Variants in TRAPPC9 observed in about 807,000 individuals in gnomAD.
TRAPPC9 encodes trafficking protein particle complex subunit 9, also known as IKK2 binding protein.
A neutral mutation model predicts 124.0 loss-of-function variants in TRAPPC9; 83 were observed. The observed-to-expected ratio is 0.67, with a 90% confidence interval of 0.56 to 0.80. The LOEUF is 0.80. Ranked by LOEUF, TRAPPC9 falls within the 30% of genes least tolerant of loss-of-function variation. TRAPPC9 has a pLI of 0.00. For missense variants in TRAPPC9, 1,302 were observed against 1,508.3 expected (o/e 0.86, Z 2.27); for synonymous variants, 638 against 617.5 (o/e 1.03, Z -0.49).
At chr8:139,879,220 G>A (rs969385683) in intron 21 of TRAPPC9, among the ~76,000 whole-genome samples, 22 of 152,200 alleles carry the variant, frequency 1.4e-4, no homozygotes, top group African/African-American at 4.6e-4. Flanking sequence ...GGTCATGGGG[G>A]GTGGGGCGCA....
At chr8:139,983,219 C>A (rs1375676204) in intron 19 of TRAPPC9, among the ~76,000 whole-genome samples, 1 of 152,180 alleles carries the variant, frequency 6.6e-6, no homozygotes, top group Non-Finnish European at 1.5e-5. Flanking sequence ...CCCACAGAAT[C>A]TGCCCAGCGT....
At chr8:140,396,684 T>A (rs1266894043) in intron 7 of TRAPPC9, among the ~76,000 whole-genome samples, 1 of 152,084 alleles carries the variant, frequency 6.6e-6, no homozygotes, top group Non-Finnish European at 1.5e-5. Flanking sequence ...ATTTTCTTCC[T>A]GAATGACCTT....
intron 15 of TRAPPC9, among the ~76,000 whole-genome samples, chr8:140,272,405 ATAATGG>A (rs1275388301): frequency 3.0e-5 from 4 of 134,188 alleles, no homozygotes; most frequent in Non-Finnish European, 6.6e-5. Flanking sequence ...GGCGATGGTG[ATAATGG>A]TGATGGTGAT....
intron 15 of TRAPPC9, among the ~76,000 whole-genome samples, chr8:140,269,402 G>A (rs928982946): frequency 1.3e-5 from 2 of 151,976 alleles, no homozygotes; most frequent in Non-Finnish European, 2.9e-5. Flanking sequence ...TTAGCTGGGC[G>A]TGGTGGCAGG....
At chr8:140,199,389 G>A (rs995773810) in intron 17 of TRAPPC9, among the ~76,000 whole-genome samples, 4 of 152,242 alleles carry the variant, frequency 2.6e-5, no homozygotes, top group African/African-American at 9.6e-5. Flanking sequence ...CAGGGATCCT[G>A]TGAAATGCAT....
At chr8:140,118,074 T>C (rs1054224754) in intron 17 of TRAPPC9, among the ~76,000 whole-genome samples, 1 of 152,222 alleles carries the variant, frequency 6.6e-6, no homozygotes, top group African/African-American at 2.4e-5. Context: ...CATTTACACC[T>C]CATAAACTCT....
chr8:140,100,619 T>G (rs1480807121), intron 17 of TRAPPC9: 2 of 152,728 alleles, frequency 1.3e-5, no homozygotes, highest in Admixed American at 1.3e-4. Context: ...TGGGCACCAT[T>G]GGGGCCTCCT....
chr8:140,129,267 G>A (rs2061158335), intron 17 of TRAPPC9, among the ~76,000 whole-genome samples: 1 of 152,126 alleles, frequency 6.6e-6, no homozygotes. Flanking sequence ...TGGCTCGGGT[G>A]TGTCTGGCCC....
At chr8:140,308,869 A>G (rs1169896220) in intron 10 of TRAPPC9, among the ~76,000 whole-genome samples, 1 of 151,668 alleles carries the variant, frequency 6.6e-6, no homozygotes, top group Non-Finnish European at 1.5e-5. Context: ...CAACAGAGTG[A>G]GATTACAACT....
intron 17 of TRAPPC9, among the ~76,000 whole-genome samples, chr8:140,181,304 A>G (rs1360336373): frequency 6.6e-6 from 1 of 152,218 alleles, no homozygotes; most frequent in Non-Finnish European, 1.5e-5. Context: ...TCTGTCACCC[A>G]GGATGGACTG....
intron 13 of TRAPPC9, among the ~76,000 whole-genome samples, chr8:140,284,762 C>T (rs545824178): frequency 7.7e-4 from 117 of 152,318 alleles, no homozygotes; most frequent in Non-Finnish European, 1.3e-3. Flanking sequence ...GGCAGGCACT[C>T]CCTCGTGGGC....
In TRAPPC9 at chr8:140,156,992, AAAGCCTCCCTTTTCCATTCAG is replaced by A. The variant is rs1563804087; in HGVS notation, c.2556+64446_2556+64466del. Among the ~76,000 whole-genome samples, 311 of 79,116 alleles carry A rather than the reference AAAGCCTCCCTTTTCCATTCAG, an allele frequency of 3.9e-3. 34 individuals are homozygous for A. The highest frequency in any genetic ancestry group is 0.011 in the Middle Eastern group (2 of 182). The allele number at this position is 79,116 out of a possible 152,430, so 51.9% of individuals were successfully genotyped here. A position where few individuals can be genotyped will look rare whatever the true frequency, so the allele number is the denominator to read the frequency against. On this transcript the variant is annotated intron_variant, in intron 17 of 22. Coordinates refer to ENST00000438773, the MANE Select transcript of TRAPPC9 (RefSeq NM_001160372.4). Reference sequence around the variant, plus strand: ...ATTCAAAAGCCTCCCTTTCCATTCAAAAGCCTCCCTTTTCCATTCAGAAGCCTCCCTTTTCCATTCAAAAGC... The same window carrying A: ...ATTCAAAAGCCTCCCTTTCCATTCAAAAGCCTCCCTTTTCCATTCAAAAGC...
chr8:139,846,031 T>C (rs1317548745), intron 21 of TRAPPC9, among the ~76,000 whole-genome samples: 4 of 152,074 alleles, frequency 2.6e-5, no homozygotes, highest in Admixed American at 6.5e-5. Flanking sequence ...AAGGGAAACA[T>C]GGAGGAAGAG....
intron 17 of TRAPPC9, among the ~76,000 whole-genome samples, chr8:140,052,454 T>C (rs1003033721): frequency 3.0e-4 from 46 of 152,208 alleles, no homozygotes; most frequent in African/African-American, 9.9e-4. Context: ...CTGGGCAATA[T>C]GGCAAGAACC....
At chr8:139,759,698 G>T (rs921171205) in intron 21 of TRAPPC9, among the ~76,000 whole-genome samples, 1 of 152,150 alleles carries the variant, frequency 6.6e-6, no homozygotes, top group Non-Finnish European at 1.5e-5. Context: ...CTGCAGACAC[G>T]GGGGCCGGGC....
chr8:140,221,533 C>T lies in TRAPPC9; in HGVS notation c.2482G>A (p.Val828Ile), dbSNP rs777589415. ...GGTTTGCCCTCCACTCGGGGCCGAA[C>T]GACCTGCCGAAAAGGACTGGACAGG... is the stretch of plus-strand genomic sequence containing the variant. ...FPLSSPFRQVVRPRVEGKPVN... is the reference protein window; with the variant it reads ...FPLSSPFRQVIRPRVEGKPVN... The change falls in exon 17 of 23, where the codon GTT becomes ATT. Residue 828 changes from valine to isoleucine, a missense_variant. By Grantham distance (29) the Val-to-Ile change is conservative. This residue lies in a region of TRAPPC9 where 640 missense variants were observed against 679.3 expected (regional missense o/e 0.94). Coordinates refer to ENST00000438773, the MANE Select transcript of TRAPPC9 (RefSeq NM_001160372.4). 7.4e-6 allele frequency: 12 copies of T among 1,614,016 alleles called. No homozygotes were observed. The East Asian group carries it at 8.9e-5, about 12-fold the overall frequency.
rs1409615854 is a variant in TRAPPC9, at chr8:140,451,138, C to A, written c.236G>T (p.Gly79Val). 1 of 1,613,956 alleles carries A rather than the reference C, an allele frequency of 6.2e-7. No individual in the cohort carries two copies. Among genetic ancestry groups the A allele is most frequent in the Non-Finnish European group, 8.5e-7 (1 of 1,179,962 alleles). The part of the protein sequence containing the change: ...GDFQTHRKVV[G>V]LITITDCFSA... Reference sequence around the variant, plus strand: ...GAAGCAGTCTGTGATGGTGATGAGGCCCACGACTTTGCGGTGGGTCTGGAA... The same window carrying A: ...GAAGCAGTCTGTGATGGTGATGAGGACCACGACTTTGCGGTGGGTCTGGAA... The change falls in exon 2 of 23, where the codon GGC (glycine) becomes GTC (valine). Residue 79 changes from glycine to valine, a missense_variant. Transcript: ENST00000438773.
chr8:140,187,752 G>A lies in TRAPPC9; in HGVS notation c.2556+33707C>T, dbSNP rs564641507. Among the ~76,000 whole-genome samples the A allele has an allele frequency of 2.0e-5, 3 of 152,176 alleles. No individual in the cohort carries two copies. In the East Asian group the frequency reaches 5.8e-4, roughly 29 times the overall value. On this transcript the variant is annotated intron_variant, in intron 17 of 22. Transcript: ENST00000438773. ...TACAGTGGCTCGATCACAGCTCACT[G>A]CAGCCTCGACCTCCTGGGCTCAAGT... is the stretch of plus-strand genomic sequence containing the variant.
chr8:140,341,881 G>A (rs1235887085), intron 9 of TRAPPC9, among the ~76,000 whole-genome samples: 4 of 152,226 alleles, frequency 2.6e-5, no homozygotes, highest in African/African-American at 7.2e-5. Flanking sequence ...CCAAGCTAAG[G>A]AGGCGGCCTG....
Sources: allele counts gnomAD v4.1 joint callset (sites outside exome capture counted in the v4.1 genomes callset), GRCh38; gene constraint gnomAD v4.1.1; regional missense constraint gnomAD v4.1.1; transcripts MANE v1.5; gene names NCBI Gene and HGNC (gene_info 2026-07-23, HGNC 2026-07-21).